The following PRDM11 variants were observed in gnomAD, a reference collection of about 807,000 sequenced individuals.
PRDM11 encodes PR/SET domain 11.
In PRDM11, 20 loss-of-function variants were observed where a neutral mutation model predicts 97.8. That is an observed-to-expected ratio of 0.20 (90% CI 0.14 to 0.30). The LOEUF is 0.30. Ranked by LOEUF, PRDM11 falls within the 10% of genes least tolerant of loss-of-function variation. PRDM11 has a pLI of 1.00. For missense variants in PRDM11, 1,139 were observed against 1,555.2 expected (o/e 0.73, Z 4.50); for synonymous variants, 599 against 637.7 (o/e 0.94, Z 0.91).
At chr11:45,113,165 C>T (rs1210562666) in intron 1 of PRDM11, among the ~76,000 whole-genome samples, 1 of 152,206 alleles carries the variant, frequency 6.6e-6, no homozygotes, top group African/African-American at 2.4e-5. Context: ...CATTCTTCTA[C>T]ATGTGGCTTG....
intron 1 of PRDM11, among the ~76,000 whole-genome samples, chr11:45,171,889 A>G (rs1213453144): frequency 6.6e-6 from 1 of 150,884 alleles, no homozygotes; most frequent in Non-Finnish European, 1.5e-5. Flanking sequence ...GGATTCTCCA[A>G]CCCAACTGGG....
intron 1 of PRDM11, among the ~76,000 whole-genome samples, chr11:45,114,511 G>A (rs1237876006): frequency 6.6e-6 from 1 of 152,018 alleles, no homozygotes; most frequent in Non-Finnish European, 1.5e-5. Flanking sequence ...TGATACCAGA[G>A]CAGAAAAATT....
intron 4 of PRDM11, among the ~76,000 whole-genome samples, chr11:45,183,888 G>A (rs1172267842): frequency 6.6e-6 from 1 of 152,200 alleles, no homozygotes; most frequent in Non-Finnish European, 1.5e-5. Flanking sequence ...ACAGTGGTGG[G>A]CCAGATAAGG....
At chr11:45,161,768 A>G (rs1305137150) in intron 1 of PRDM11, among the ~76,000 whole-genome samples, 5 of 151,978 alleles carry the variant, frequency 3.3e-5, no homozygotes, top group Non-Finnish European at 1.5e-5. Flanking sequence ...TTTTCCTCAC[A>G]CCCCCCTTTC....
At chr11:45,204,193 G>T (rs1309724054) in intron 4 of PRDM11, among the ~76,000 whole-genome samples, 2 of 152,218 alleles carry the variant, frequency 1.3e-5, no homozygotes, top group African/African-American at 4.8e-5. Context: ...TGAAATGAAA[G>T]AGAAACCAGC....
chr11:45,175,024 C>T (rs1294409037), intron 1 of PRDM11, among the ~76,000 whole-genome samples: 2 of 152,204 alleles, frequency 1.3e-5, no homozygotes, highest in Non-Finnish European at 2.9e-5. Context: ...CAAAACTGAG[C>T]AGAAACTAGA....
intron 1 of PRDM11, among the ~76,000 whole-genome samples, chr11:45,139,492 A>G (rs1565254556): frequency 3.4e-5 from 5 of 146,010 alleles, no homozygotes. Flanking sequence ...GTTTGAACCC[A>G]GGAGGCGGAG....
upstream of PRDM11, among the ~76,000 whole-genome samples, chr11:45,145,884 T>A (rs1271305538): frequency 6.6e-6 from 1 of 152,110 alleles, no homozygotes; most frequent in Admixed American, 6.5e-5. Context: ...AGTCTTTCCC[T>A]CTTCACCCCC....
rs1854426529 is a variant in PRDM11, at chr11:45,232,950, C to T, written c.*4791C>T. The stretch of plus-strand genomic sequence containing the variant: ...CTCAAGTGGTATCACCCTGGAAATA[C>T]CTATGCAATCCAGTCTCCCTAGGAG... On this transcript the variant is annotated 3_prime_UTR_variant, in exon 8 of 8. Transcript: ENST00000683152. 7.1e-6 allele frequency: 1 copy of T among 141,428 alleles called. No individual in the cohort carries two copies. The highest frequency in any genetic ancestry group is 2.5e-5 in the African/African-American group (1 of 39,638). The allele number at this position is 141,428 out of a possible 1,614,324, so 8.8% of individuals were successfully genotyped here.
chr11:45,144,001 CAG>C (rs1851456217), upstream of PRDM11, among the ~76,000 whole-genome samples: 1 of 152,148 alleles, frequency 6.6e-6, no homozygotes, highest in Non-Finnish European at 1.5e-5. Flanking sequence ...TGATCACACT[CAG>C]GGTCTGGGAC....
At chr11:45,123,566 T>C (rs1362623693) in intron 1 of PRDM11, among the ~76,000 whole-genome samples, 1 of 152,202 alleles carries the variant, frequency 6.6e-6, no homozygotes, top group Non-Finnish European at 1.5e-5. Flanking sequence ...TACATATGGC[T>C]AGCCAGTTTT....
rs766314549 is a variant in PRDM11 at position 45,224,444 on chromosome 11, G to T, written c.970G>T (p.Ala324Ser). The T allele has an allele frequency of 6.2e-6, 10 of 1,614,166 alleles. No individual in the cohort carries two copies. The highest frequency in any genetic ancestry group is 8.5e-6 in the Non-Finnish European group (10 of 1,180,032). ...ESAKVEAHQL[A>S]LSTSLVIRKV... ...TGCGAAGGTGGAAGCCCACCAGTTG[G>T]CCCTGAGCACCTCACTGGTCATCAG... The change falls in exon 7 of 8, where the codon GCC (alanine) becomes TCC (serine). Residue 324 changes from alanine to serine, a missense_variant. Ala to Ser is a moderately conservative substitution (Grantham distance 99). Coordinates refer to ENST00000683152, the MANE Select transcript of PRDM11 (RefSeq NM_001384648.1).
chr11:45,168,081 G>C (rs1852109964), intron 1 of PRDM11, among the ~76,000 whole-genome samples: 1 of 152,222 alleles, frequency 6.6e-6, no homozygotes, highest in African/African-American at 2.4e-5. Context: ...CAAGGATTTA[G>C]ATGACTGTTG....
At chr11:45,153,297 T>C (rs1242069908) in intron 1 of PRDM11, among the ~76,000 whole-genome samples, 1 of 152,258 alleles carries the variant, frequency 6.6e-6, no homozygotes, top group African/African-American at 2.4e-5. Flanking sequence ...GGGTCCACAC[T>C]GTTCCCTGGA....
At chr11:45,148,038 G>A (rs1482701867) in intron 1 of PRDM11, among the ~76,000 whole-genome samples, 12 of 152,138 alleles carry the variant, frequency 7.9e-5, no homozygotes, top group Non-Finnish European at 1.0e-4. Context: ...TGGGAGGGAG[G>A]AAGGTTCGGG....
rs142025759 is a variant in PRDM11, at chr11:45,114,623, G to A, written c.96+18722G>A. 3.9e-3 allele frequency among the ~76,000 whole-genome samples: 586 copies of A among 152,046 alleles called. 5 individuals are homozygous for A. The highest frequency in any genetic ancestry group is 0.014 in the African/African-American group (567 of 41,484). Reference sequence around the variant, plus strand: ...AAAAATAAAAGGAAGCAGTTCCTAGGCACATCATAGTCTAAAGATCAAAGA... The same window carrying A: ...AAAAATAAAAGGAAGCAGTTCCTAGACACATCATAGTCTAAAGATCAAAGA... On this transcript the variant is annotated intron_variant, in intron 1 of 6. Transcript: ENST00000530656.
At position 45,219,981 on chromosome 11, in the gene PRDM11, A is replaced by G. The variant is rs972900461; in HGVS notation, c.742+224A>G. On this transcript the variant is annotated intron_variant, in intron 6 of 7. Transcript: ENST00000683152. This position sits in a 1 kb window ranked among gnomAD's most constrained non-coding sequence, Gnocchi z 4.2. The stretch of plus-strand genomic sequence containing the variant: ...AAATGGTCTCAGAAATCCTTACCAC[A>G]CACATTTCAGAGTATTCATGAGAGA... Among the ~76,000 whole-genome samples, 3 of 152,152 alleles carry G rather than the reference A, an allele frequency of 2.0e-5. No homozygotes were observed. The highest frequency in any genetic ancestry group is 4.4e-5 in the Non-Finnish European group (3 of 68,028).
chr11:45,145,375 C>A (rs1372703494), upstream of PRDM11, among the ~76,000 whole-genome samples: 1 of 152,206 alleles, frequency 6.6e-6, no homozygotes, highest in Admixed American at 6.5e-5. Context: ...AGCTCCACAT[C>A]CAGATTCCAA....
At chr11:45,181,631 G>A in intron 1 of PRDM11, 130 bp from the exon 2 acceptor site, 1 of 692,318 alleles carries the variant, frequency 1.4e-6, no homozygotes, top group Non-Finnish European at 2.5e-6. Context: ...GTTCTCAAGT[G>A]CTTCCTCTGG....
Sources: gnomAD v4.1 joint callset for allele counts (sites outside exome capture counted in the v4.1 genomes callset) on GRCh38, gnomAD v4.1.1 for gene constraint, Gnocchi (gnomAD v3.1) non-coding constraint, MANE v1.5 for transcripts, NCBI Gene and HGNC (gene_info 2026-07-23, HGNC 2026-07-21) for gene names.